KIAA1671: variants seen among roughly 807,000 people sequenced by gnomAD.
KIAA1671 encodes KIAA1671, also known as uncharacterized protein KIAA1671.
In KIAA1671, 52 loss-of-function variants were observed where a neutral mutation model predicts 131.2. That is an observed-to-expected ratio of 0.40 (90% CI 0.32 to 0.50). The LOEUF (loss-of-function observed/expected upper bound fraction) is 0.50. Among genes scored for constraint, KIAA1671 ranks in the 20% least tolerant of loss-of-function variants. The pLI is 0.73. For missense variants in KIAA1671, 2,360 were observed against 2,364.2 expected, an observed-to-expected ratio of 1.00 and a Z score of 0.04; for synonymous variants, 1,003 against 961.6, an observed-to-expected ratio of 1.04 and a Z score of -0.80.
At chr22:25,089,823 C>A (rs1433780013) in intron 6 of KIAA1671, among the ~76,000 whole-genome samples, 1 of 152,164 alleles carries the variant, frequency 6.6e-6, no homozygotes, top group Non-Finnish European at 1.5e-5. Context: ...TGTGCAGACA[C>A]CTTTGCGCCC....
intron 6 of KIAA1671, among the ~76,000 whole-genome samples, chr22:25,170,330 C>G (rs1933802717): frequency 1.3e-5 from 2 of 152,324 alleles, no homozygotes; most frequent in South Asian, 4.1e-4. Context: ...ATGTCAAGAG[C>G]TCAGCCCAAT....
rs1398470619 is a variant in KIAA1671 at position 25,170,851 on chromosome 22, C to T, written c.4562C>T (p.Pro1521Leu). ...CTGAAGCAGTGTTTCTCCCGGCAGC[C>T]CACTGAACCCAAGGACACTGACACC... ...DQLKQCFSRQPTEPKDTDTLV... is the reference protein window; with the variant it reads ...DQLKQCFSRQLTEPKDTDTLV... The change falls in exon 7 of 13, where the codon CCC becomes CTC. Residue 1521 changes from proline (P) to leucine (L), a missense_variant. Around this residue, in one of 3 missense-constraint regions of KIAA1671, gnomAD observed 1,161 missense variants for 1,204.7 expected, o/e 0.96. Transcript: ENST00000358431. 1.3e-6 allele frequency: 2 copies of T among 1,551,686 alleles called. No homozygotes were observed. Among genetic ancestry groups the T allele is most frequent in the Non-Finnish European group, 1.7e-6 (2 of 1,147,004 alleles).
At chr22:25,104,415 C>T (rs752851107) in intron 6 of KIAA1671, among the ~76,000 whole-genome samples, 7 of 152,096 alleles carry the variant, frequency 4.6e-5, no homozygotes, top group South Asian at 2.1e-4. Context: ...TGGAAAAAGC[C>T]GAAGGTTGTC....
At chr22:25,076,355 G>A (rs1929108317) in intron 6 of KIAA1671, among the ~76,000 whole-genome samples, 1 of 152,086 alleles carries the variant, frequency 6.6e-6, no homozygotes, top group South Asian at 2.1e-4. Context: ...CACATTTCGA[G>A]CTGTCTCCTG....
At chr22:25,042,463 G>GTTTTTTTTTTTTTTTTTTT (rs3063202) in intron 5 of KIAA1671, among the ~76,000 whole-genome samples, 1 of 104,892 alleles carries the variant, frequency 9.5e-6, no homozygotes, top group Non-Finnish European at 1.8e-5. Context: ...GCAGTCCCTT[G>GTTTTTTTTTTTTTTTTTTT]TTTTTTTTTT....
chr22:25,095,075 A>G (rs765747357), intron 6 of KIAA1671, among the ~76,000 whole-genome samples: 67 of 152,160 alleles, frequency 4.4e-4, no homozygotes, highest in Non-Finnish European at 8.4e-4. Context: ...AAAGTTCACC[A>G]GCCTTCAGAC....
intron 6 of KIAA1671, among the ~76,000 whole-genome samples, chr22:25,130,303 C>T (rs1006744480): frequency 2.6e-5 from 4 of 152,114 alleles, no homozygotes; most frequent in African/African-American, 7.2e-5. Context: ...TTCTCATCTC[C>T]CAGAGAAAGT....
intron 9 of KIAA1671, 93 bp downstream of exon 9, chr22:25,177,615 C>A (rs1307196839): frequency 2.7e-6 from 3 of 1,114,454 alleles, no homozygotes; most frequent in African/African-American, 3.2e-5. Context: ...ACTTGGAAGG[C>A]TGTAGATCAT....
intron 3 of KIAA1671, 35 bp from the exon 4 acceptor site, chr22:25,032,574 C>A: frequency 7.1e-7 from 1 of 1,403,928 alleles, no homozygotes; most frequent in Non-Finnish European, 9.9e-7. Flanking sequence ...TAACAGCTTC[C>A]AGCTCCATGA....
rs1399566324 is a variant in KIAA1671 at position 25,196,157 on chromosome 22, T to C, written c.*3756T>C. On this transcript the variant is annotated 3_prime_UTR_variant, in exon 13 of 13. Coordinates refer to ENST00000358431, the MANE Select transcript of KIAA1671 (RefSeq NM_001145206.2). ...CTTTTGCACCCCCCAATCCAGAGTT[T>C]GCTTTCTTTTGACTAAATTGGCTCC... is the stretch of plus-strand genomic sequence containing the variant. The C allele has an allele frequency of 9.9e-5, 15 of 152,134 alleles. No homozygotes were observed. The highest frequency in any genetic ancestry group is 1.9e-4 in the Non-Finnish European group (13 of 68,038). The allele number at this position is 152,134 out of a possible 1,614,324, so 9.4% of individuals were successfully genotyped here. A position where few individuals can be genotyped will look rare whatever the true frequency, so the allele number is the denominator to read the frequency against.
chr22:25,176,111 AC>A (rs1934017409), intron 8 of KIAA1671: 2 of 151,950 alleles, frequency 1.3e-5, no homozygotes, highest in African/African-American at 4.8e-5. Flanking sequence ...GAGTCTGAAA[AC>A]CTGGCTCTGT....
intron 6 of KIAA1671, among the ~76,000 whole-genome samples, chr22:25,152,191 T>C (rs1244701940): frequency 1.3e-5 from 2 of 152,240 alleles, no homozygotes; most frequent in Non-Finnish European, 2.9e-5. Context: ...AGTTTTTCTG[T>C]CTTATAAATA....
chr22:25,168,176 T>C (rs1785885744), intron 6 of KIAA1671, among the ~76,000 whole-genome samples: 1 of 152,176 alleles, frequency 6.6e-6, no homozygotes, highest in African/African-American at 2.4e-5. Context: ...CTCCGTTAAC[T>C]AAGCACCTAC....
chr22:25,005,842 C>G (rs1231128642), intron 1 of KIAA1671, among the ~76,000 whole-genome samples: 1 of 152,130 alleles, frequency 6.6e-6, no homozygotes, highest in Non-Finnish European at 1.5e-5. Flanking sequence ...TGTGTGCTAG[C>G]TCTGCCTTTT....
chr22:25,109,471 AACCACACGG>A (rs1314680052), intron 6 of KIAA1671, among the ~76,000 whole-genome samples: 2 of 152,152 alleles, frequency 1.3e-5, no homozygotes, highest in Admixed American at 6.5e-5. Flanking sequence ...TTATTCTGCT[AACCACACGG>A]ACCAACCTTG....
Position 25,040,321 on chromosome 22 carries a change from C to T in KIAA1671, c.3191C>T (p.Pro1064Leu). The change falls in exon 5 of 13, where the codon CCT becomes CTT. Residue 1064 changes from proline (P) to leucine (L), a missense_variant. Pro to Leu is a moderately conservative substitution (Grantham distance 98). Transcript: ENST00000358431. ...AGAAAAATCACTCCACCCTCGTCTC[C>T]TCATTCTTTAACATCCACTTTGGTT... ...HSRKITPPSS[P>L]HSLTSTLVSL... 1 of 1,551,770 alleles carries T rather than the reference C, an allele frequency of 6.4e-7. No homozygotes were observed. The highest frequency in any genetic ancestry group is 8.7e-7 in the Non-Finnish European group (1 of 1,147,022).
intron 4 of KIAA1671, 70 bp downstream of exon 4, chr22:25,032,766 C>G (rs1356806872): frequency 1.1e-6 from 1 of 923,362 alleles, no homozygotes; most frequent in South Asian, 1.7e-5. Flanking sequence ...GAAAGAGCCT[C>G]CATGATCTTC....
intron 8 of KIAA1671, chr22:25,174,904 G>A (rs146444867): frequency 1.8e-3 from 291 of 160,960 alleles, no homozygotes; most frequent in African/African-American, 6.6e-3. Flanking sequence ...TCTGCTGAAC[G>A]TTCTCACTAA....
At chr22:25,033,476 A>G (rs1368457396) in intron 4 of KIAA1671, among the ~76,000 whole-genome samples, 1 of 152,056 alleles carries the variant, frequency 6.6e-6, no homozygotes, top group African/African-American at 2.4e-5. Context: ...TCATCTTTTT[A>G]ATAAGAGAAA....
Sources: allele counts gnomAD v4.1 joint callset (sites outside exome capture counted in the v4.1 genomes callset), GRCh38; gene constraint gnomAD v4.1.1; regional missense constraint gnomAD v4.1.1; transcripts MANE v1.5; gene names NCBI Gene and HGNC (gene_info 2026-07-23, HGNC 2026-07-21).